The following RBFOX1 variants were observed in gnomAD, a reference collection of about 807,000 sequenced individuals.
The protein encoded by RBFOX1 is RNA binding protein fox-1 homolog 1.
A neutral mutation model predicts 57.7 loss-of-function variants in RBFOX1; 8 were observed. That is an observed-to-expected ratio of 0.14 (90% CI 0.08 to 0.25). The LOEUF (loss-of-function observed/expected upper bound fraction) is 0.25. Among genes scored for constraint, RBFOX1 ranks in the 10% least tolerant of loss-of-function variants. The pLI is 1.00. For missense variants in RBFOX1, 611 were observed against 548.5 expected (o/e 1.11, Z -1.14); for synonymous variants, 326 against 222.4 (o/e 1.47, Z -4.15).
intron 1 of RBFOX1, among the ~76,000 whole-genome samples, chr16:6,044,964 A>G (rs1372822704): frequency 6.6e-6 from 1 of 152,206 alleles, no homozygotes; most frequent in African/African-American, 2.4e-5. Flanking sequence ...GGCTCTCACT[A>G]TTGACTGCTC....
chr16:6,035,821 G>C (rs188049975), intron 1 of RBFOX1, among the ~76,000 whole-genome samples: 2 of 152,286 alleles, frequency 1.3e-5, no homozygotes, highest in East Asian at 3.9e-4. Flanking sequence ...TGAGAAGAAG[G>C]ATTACGCTTT....
chr16:6,225,352 A>G (rs557307057), intron 1 of RBFOX1, among the ~76,000 whole-genome samples: 2 of 152,298 alleles, frequency 1.3e-5, no homozygotes, highest in South Asian at 4.1e-4. Context: ...ATGTGCCCAC[A>G]TCCTCCCGGT....
At position 6,217,899 on chromosome 16, in the gene RBFOX1, C is replaced by T. The variant is rs578038404; in HGVS notation, c.-126-99096C>T. Among the ~76,000 whole-genome samples, 3 of 152,098 alleles carry T rather than the reference C, an allele frequency of 2.0e-5. No individual in the cohort carries two copies. The East Asian group carries it at 5.8e-4, about 29-fold the overall frequency. ...GTATGGTGGCGCATGATTGTTAATC[C>T]GAGCTACTCAGGAAGCTGAGGCATG... On this transcript the variant is annotated intron_variant, in intron 1 of 15. Transcript: ENST00000550418.
chr16:5,913,823 C>G (rs763506260), intron 4 of RBFOX1, among the ~76,000 whole-genome samples: 3 of 152,238 alleles, frequency 2.0e-5, no homozygotes, highest in African/African-American at 7.2e-5. Flanking sequence ...TAACAGCTAA[C>G]ATTGTCTTCG....
Position 7,516,845 on chromosome 16 carries a change from T to C in RBFOX1, c.28-1302T>C, listed in dbSNP as rs977202588. 3.9e-5 allele frequency among the ~76,000 whole-genome samples: 6 copies of C among 152,226 alleles called. No individual in the cohort carries two copies. In the South Asian group the frequency reaches 6.2e-4, roughly 16 times the overall value. On this transcript the variant is annotated intron_variant, in intron 4 of 15. Coordinates refer to ENST00000550418, the MANE Select transcript of RBFOX1 (RefSeq NM_018723.4). ...GCTCTGAGAACAAACTTTTTTTTTT[T>C]CCTCTCTTCTTTCTGTCATCATGTT...
At chr16:7,276,713 C>A (rs192753006) in intron 4 of RBFOX1, among the ~76,000 whole-genome samples, 1 of 152,092 alleles carries the variant, frequency 6.6e-6, no homozygotes, top group Non-Finnish European at 1.5e-5. Flanking sequence ...ATGATTTGAT[C>A]GTGTTGAGGA....
chr16:5,885,939 G>C (rs1349462358), intron 4 of RBFOX1, among the ~76,000 whole-genome samples: 1 of 152,128 alleles, frequency 6.6e-6, no homozygotes, highest in Non-Finnish European at 1.5e-5. Flanking sequence ...CCAGGTGGGA[G>C]GTGATTGGGT....
At chr16:6,046,978 C>A (rs766402026) in intron 1 of RBFOX1, among the ~76,000 whole-genome samples, 1 of 152,114 alleles carries the variant, frequency 6.6e-6, no homozygotes, top group Non-Finnish European at 1.5e-5. Flanking sequence ...AAGACATGTG[C>A]AGAGTTGGCA....
At chr16:6,512,775 G>T (rs1204827427) in intron 2 of RBFOX1, among the ~76,000 whole-genome samples, 1 of 152,206 alleles carries the variant, frequency 6.6e-6, no homozygotes, top group African/African-American at 2.4e-5. Flanking sequence ...GCAGGAGCAA[G>T]AGGATGGAGT....
chr16:7,141,130 T>A (rs2152108817), intron 4 of RBFOX1, among the ~76,000 whole-genome samples: 1 of 152,264 alleles, frequency 6.6e-6, no homozygotes, highest in Admixed American at 6.5e-5. Flanking sequence ...TGGCTCTGGC[T>A]TTATCAGGAT....
chr16:6,233,376 G>T (rs2097480706), intron 1 of RBFOX1, among the ~76,000 whole-genome samples: 1 of 151,932 alleles, frequency 6.6e-6, no homozygotes, highest in Non-Finnish European at 1.5e-5. Flanking sequence ...TCTCCCCCGG[G>T]TGGTTGCAGT....
At chr16:6,038,550 A>ATATC (rs1555483475) in intron 1 of RBFOX1, 4 of 139,092 alleles carry the variant, frequency 2.9e-5, no homozygotes, top group African/African-American at 1.0e-4. Flanking sequence ...ATATATATAT[A>ATATC]TCATCCATAT....
At chr16:7,358,513 C>T (rs186316871) in intron 4 of RBFOX1, among the ~76,000 whole-genome samples, 23 of 152,126 alleles carry the variant, frequency 1.5e-4, no homozygotes, top group Admixed American at 5.2e-4. Context: ...CTCCACCTCC[C>T]GGGTTCAAGC....
At chr16:5,515,404 G>T (rs2043755398) in intron 2 of RBFOX1, among the ~76,000 whole-genome samples, 1 of 152,220 alleles carries the variant, frequency 6.6e-6, no homozygotes, top group Non-Finnish European at 1.5e-5. Flanking sequence ...TTGGAATCCA[G>T]CCTCTGAGAG....
intron 4 of RBFOX1, among the ~76,000 whole-genome samples, chr16:7,414,948 C>G (rs751456007): frequency 6.6e-6 from 1 of 152,122 alleles, no homozygotes; most frequent in Non-Finnish European, 1.5e-5. Context: ...ACAGATTATG[C>G]AAGGGAAGGT....
chr16:7,317,637 A>G (rs2096468526), intron 4 of RBFOX1, among the ~76,000 whole-genome samples: 1 of 152,180 alleles, frequency 6.6e-6, no homozygotes, highest in Non-Finnish European at 1.5e-5. Flanking sequence ...CATTTTTATG[A>G]AATGTCCACT....
chr16:7,622,397 T>G lies in RBFOX1; in HGVS notation c.677-8206T>G, dbSNP rs999848816. On this transcript the variant is annotated intron_variant, in intron 10 of 15. Coordinates refer to ENST00000550418, the MANE Select transcript of RBFOX1 (RefSeq NM_018723.4). The stretch of plus-strand genomic sequence containing the variant: ...AGTAAAACACTTTGGGAACTCTTAT[T>G]GTTAGGTTTATCATATTAAGTTAAA... Among the ~76,000 whole-genome samples, 15 of 152,348 alleles carry G rather than the reference T, an allele frequency of 9.8e-5. No individual in the cohort carries two copies. In the East Asian group the frequency reaches 2.7e-3, roughly 27 times the overall value.
chr16:6,925,110 T>G (rs1317357773), intron 3 of RBFOX1, among the ~76,000 whole-genome samples: 5 of 12,928 alleles, frequency 3.9e-4, no homozygotes, highest in African/African-American at 9.3e-4. Context: ...AGGTTGTTGG[T>G]TTTTTTTTTT....
intron 3 of RBFOX1, among the ~76,000 whole-genome samples, chr16:6,859,187 A>ATATATACGTATATATATGTATATATATG (rs2058558101): frequency 1.6e-5 from 1 of 64,004 alleles, no homozygotes; most frequent in Non-Finnish European, 3.0e-5. Context: ...ATATATATGT[A>ATATATACGTATATATATGTATATATATG]TATATATATG....
Sources: gnomAD v4.1 joint callset for allele counts (sites outside exome capture counted in the v4.1 genomes callset) on GRCh38, gnomAD v4.1.1 for gene constraint, MANE v1.5 for transcripts, NCBI Gene and HGNC (gene_info 2026-07-23, HGNC 2026-07-21) for gene names.